Variants in SCAPER observed in about 807,000 individuals in gnomAD.
The protein encoded by SCAPER is S-phase cyclin A associated protein in the ER.
A neutral mutation model predicts 182.2 loss-of-function variants in SCAPER; 98 were observed. The observed-to-expected ratio is 0.54, with a 90% confidence interval of 0.46 to 0.64. SCAPER has a LOEUF of 0.64. Ranked by LOEUF, SCAPER falls within the 30% of genes least tolerant of loss-of-function variation. The pLI is 0.00. For synonymous variants in SCAPER, 605 were observed against 564.6 expected, an observed-to-expected ratio of 1.07 and a Z score of -1.01; for missense variants, 1,432 against 1,690.0, an observed-to-expected ratio of 0.85 and a Z score of 2.68.
intron 5 of SCAPER, among the ~76,000 whole-genome samples, chr15:76,833,596 C>T (rs2151728830): frequency 6.6e-6 from 1 of 152,324 alleles, no homozygotes; most frequent in East Asian, 1.9e-4. Context: ...CAAGACCCAA[C>T]TGTAGGCTGC....
intron 5 of SCAPER, among the ~76,000 whole-genome samples, chr15:76,831,996 C>A (rs771347759): frequency 1.4e-4 from 22 of 152,276 alleles, no homozygotes; most frequent in Non-Finnish European, 2.9e-4. Context: ...ATCCAAAGAA[C>A]AGCAACTTCA....
At chr15:76,649,050 T>C (rs1209249604) in intron 21 of SCAPER, among the ~76,000 whole-genome samples, 1 of 152,212 alleles carries the variant, frequency 6.6e-6, no homozygotes, top group Non-Finnish European at 1.5e-5. Context: ...TAAAACTCCA[T>C]GCATTCCTCC....
intron 20 of SCAPER, among the ~76,000 whole-genome samples, chr15:76,672,922 T>C (rs904072119): frequency 6.6e-6 from 1 of 152,076 alleles, no homozygotes; most frequent in African/African-American, 2.4e-5. Flanking sequence ...CATATCTTAT[T>C]AAAATTTCTG....
In SCAPER at chr15:76,821,330, T is replaced by C. The variant is rs560060917; in HGVS notation, c.394-16697A>G. The stretch of plus-strand genomic sequence containing the variant: ...TGATCTATCAAAGTATTTTAAAATA[T>C]GGCAGGGGCCAAGTAAGGTGGCTCA... On this transcript the variant is annotated intron_variant, in intron 5 of 31. Coordinates refer to ENST00000563290, the MANE Select transcript of SCAPER (RefSeq NM_020843.4). Among the ~76,000 whole-genome samples the C allele has an allele frequency of 3.9e-5, 6 of 152,326 alleles. No individual in the cohort carries two copies. In the East Asian group the frequency reaches 1.2e-3, roughly 29 times the overall value.
At chr15:76,742,558 T>C (rs1240621544) in intron 15 of SCAPER, among the ~76,000 whole-genome samples, 1 of 141,282 alleles carries the variant, frequency 7.1e-6, no homozygotes, top group Admixed American at 7.1e-5. Flanking sequence ...AATGAGACCA[T>C]CAAGAAACTG....
rs71143353 is a variant in SCAPER at position 76,688,843 on chromosome 15, CTTTTTTTTTT to C, written c.2508+12905_2508+12914del. On this transcript the variant is annotated intron_variant, in intron 20 of 31. Coordinates refer to ENST00000563290, the MANE Select transcript of SCAPER (RefSeq NM_020843.4). The stretch of plus-strand genomic sequence containing the variant: ...GGTTACTGTAGCCTTAAATGCCTCT[CTTTTTTTTTT>C]TTTTTTTTTTTTTGAGACAGAGTCT... Among the ~76,000 whole-genome samples, 474 of 92,402 alleles carry C rather than the reference CTTTTTTTTTT, an allele frequency of 5.1e-3. 3 individuals are homozygous for C. Among genetic ancestry groups the C allele is most frequent in the African/African-American group, 0.018 (447 of 25,532 alleles). 60.6% of individuals were successfully genotyped at this position (92,402 alleles called of 152,430 possible). A position where few individuals can be genotyped will look rare whatever the true frequency, so the allele number is the denominator to read the frequency against.
chr15:76,738,394 C>T (rs559386414), intron 15 of SCAPER, among the ~76,000 whole-genome samples: 1 of 152,124 alleles, frequency 6.6e-6, no homozygotes, highest in Non-Finnish European at 1.5e-5. Flanking sequence ...TCATTTCCAG[C>T]TTTTGATTTA....
chr15:76,856,457 T>C (rs2071386531), intron 4 of SCAPER, among the ~76,000 whole-genome samples: 1 of 151,170 alleles, frequency 6.6e-6, no homozygotes, highest in African/African-American at 2.4e-5. Flanking sequence ...TATACATGTA[T>C]ATGTGTATAT....
chr15:76,481,615 A>G (rs1443915272), intron 24 of SCAPER, among the ~76,000 whole-genome samples: 1 of 152,238 alleles, frequency 6.6e-6, no homozygotes, highest in Non-Finnish European at 1.5e-5. Flanking sequence ...CCTTGAAATC[A>G]CCACTCAGGT....
chr15:76,695,596 CAA>C (rs36040189), intron 20 of SCAPER, among the ~76,000 whole-genome samples: 4 of 112,058 alleles, frequency 3.6e-5, no homozygotes, highest in Admixed American at 9.1e-5. Flanking sequence ...GACTCCGTCT[CAA>C]AAAAAAAAAA....
intron 18 of SCAPER, 112 bp from the exon 19 acceptor site, chr15:76,703,114 T>G: frequency 8.3e-7 from 1 of 1,197,722 alleles, no homozygotes; most frequent in Non-Finnish European, 1.1e-6. Context: ...GTCGTTTCTA[T>G]GACAACTTAC....
At position 76,722,097 on chromosome 15, in the gene SCAPER, T is replaced by C. The variant is rs567219695; in HGVS notation, c.2165+6498A>G. ...ATAGCTCTTATTATTTTGAGATTTGTCCCATCAATACCTAATTTATTGAGA... is the reference window on the plus strand; with the variant it reads ...ATAGCTCTTATTATTTTGAGATTTGCCCCATCAATACCTAATTTATTGAGA... On this transcript the variant is annotated intron_variant, in intron 17 of 31. Transcript: ENST00000563290. Among the ~76,000 whole-genome samples the C allele has an allele frequency of 2.6e-5, 4 of 152,210 alleles. No homozygotes were observed. In the East Asian group the frequency reaches 7.7e-4, roughly 29 times the overall value.
intron 23 of SCAPER, among the ~76,000 whole-genome samples, chr15:76,507,096 C>A (rs963808294): frequency 6.6e-6 from 1 of 152,092 alleles, no homozygotes; most frequent in African/African-American, 2.4e-5. Context: ...GAGGTCCCAA[C>A]CCCTAGTATT....
chr15:76,356,710 A>T (rs2141679265), intron 29 of SCAPER, among the ~76,000 whole-genome samples: 1 of 152,304 alleles, frequency 6.6e-6, no homozygotes, highest in Admixed American at 6.5e-5. Flanking sequence ...CACCTGCCTC[A>T]TCTTTCAGAG....
intron 1 of SCAPER, among the ~76,000 whole-genome samples, chr15:76,903,306 A>G (rs1201715766): frequency 1.3e-5 from 2 of 152,202 alleles, no homozygotes; most frequent in African/African-American, 4.8e-5. Flanking sequence ...TGCTGATTAC[A>G]CTTCCATGGT....
chr15:76,753,044 T>G (rs2062190499), intron 15 of SCAPER, among the ~76,000 whole-genome samples: 1 of 151,774 alleles, frequency 6.6e-6, no homozygotes, highest in South Asian at 2.1e-4. Flanking sequence ...ATTTAACTAG[T>G]ATGGAAAACC....
At chr15:76,857,227 G>GTA (rs1025775589) in intron 4 of SCAPER, among the ~76,000 whole-genome samples, 2 of 152,072 alleles carry the variant, frequency 1.3e-5, no homozygotes, top group African/African-American at 4.8e-5. Flanking sequence ...GAGGCCAGGA[G>GTA]TTTGGGACCA....
At chr15:76,742,815 T>C (rs1489068095) in intron 15 of SCAPER, among the ~76,000 whole-genome samples, 1 of 152,014 alleles carries the variant, frequency 6.6e-6, no homozygotes, top group South Asian at 2.1e-4. Flanking sequence ...AAATGGTACA[T>C]GGTCTCAAGG....
intron 5 of SCAPER, among the ~76,000 whole-genome samples, chr15:76,805,486 G>A (rs907888601): frequency 1.3e-5 from 2 of 151,772 alleles, no homozygotes; most frequent in African/African-American, 4.8e-5. Flanking sequence ...TATCATTGGG[G>A]GTTATGTGCA....
Sources: allele counts gnomAD v4.1 joint callset (sites outside exome capture counted in the v4.1 genomes callset), GRCh38; gene constraint gnomAD v4.1.1; transcripts MANE v1.5; gene names NCBI Gene and HGNC (gene_info 2026-07-23, HGNC 2026-07-21).